The following TMEM212 variants were observed in gnomAD, a reference collection of about 807,000 sequenced individuals.
TMEM212 encodes the protein transmembrane protein 212.
TMEM212 carries 23 observed loss-of-function variants against 20.5 expected under a neutral mutation model. That is an observed-to-expected ratio of 1.12 (90% CI 0.81 to 1.59). The LOEUF (loss-of-function observed/expected upper bound fraction) is 1.59, where lower values mean the gene tolerates loss of function less well. Ranked by LOEUF, TMEM212 falls within the 40% of genes most tolerant of loss-of-function variation. The probability of loss-of-function intolerance (pLI) is 0.00; values close to 1 mark genes in which losing one functional copy is unlikely to be tolerated. For synonymous variants in TMEM212, 76 were observed against 81.6 expected, an observed-to-expected ratio of 0.93 and a Z score of 0.37; for missense variants, 211 against 215.0, an observed-to-expected ratio of 0.98 and a Z score of 0.12.
At chr3:171,854,248 T>C (rs1220064286) in intron 3 of TMEM212, among the ~76,000 whole-genome samples, 1 of 152,132 alleles carries the variant, frequency 6.6e-6, no homozygotes, top group Non-Finnish European at 1.5e-5. Context: ...TTGACTCTGT[T>C]TGCAGATGAC....
Position 171,843,446 on chromosome 3 carries a change from C to T in TMEM212, c.63C>T (p.Cys21=), listed in dbSNP as rs1724757339. 2 of 1,537,122 alleles carry T rather than the reference C, an allele frequency of 1.3e-6. No homozygotes were observed. Among genetic ancestry groups the T allele is most frequent in the Non-Finnish European group, 1.7e-6 (2 of 1,146,810 alleles). Residue 21 remains cysteine (C), a synonymous_variant, in exon 1 of 5, where the codon TGC becomes TGT. Transcript: ENST00000334567. ...ILVTLGILSV[C]SGVIAFFPVF... is the part of the protein sequence containing the mutation. ...TTACTCTGGGGATCCTCAGTGTATG[C>T]TCTGGAGTTATTGCTTTCTTTCCTG...
intron 1 of TMEM212, among the ~76,000 whole-genome samples, chr3:171,844,871 G>A (rs927085676): frequency 6.6e-6 from 1 of 152,150 alleles, no homozygotes. Flanking sequence ...ATGTCGTTGA[G>A]TTACAATGAA....
chr3:171,856,832 A>G (rs997199708), intron 4 of TMEM212, 125 bp downstream of exon 4: 3 of 414,166 alleles, frequency 7.2e-6, no homozygotes, highest in African/African-American at 6.1e-5. Flanking sequence ...CTTTACCTAA[A>G]TGTCTTATTA....
intron 1 of TMEM212, among the ~76,000 whole-genome samples, chr3:171,846,489 C>A (rs1724836011): frequency 6.6e-6 from 1 of 152,106 alleles, no homozygotes; most frequent in Non-Finnish European, 1.5e-5. Flanking sequence ...ATTATGTTTA[C>A]TGCTGTATCT....
At position 171,856,578 on chromosome 3, in the gene TMEM212, C is replaced by A. The variant is rs1254589365; in HGVS notation, c.544-85C>A. ...GGTAAATTTGGGAGCTAAGTGGACC[C>A]CTTTTACATGGGTGCCCCTCCCACA... is the stretch of plus-strand genomic sequence containing the variant. On this transcript the variant is annotated intron_variant, in intron 3 of 4. Transcript: ENST00000334567. 5.3e-6 allele frequency: 3 copies of A among 565,850 alleles called. No individual in the cohort carries two copies. In the South Asian group the frequency reaches 7.0e-5, roughly 13 times the overall value. 35.1% of individuals were successfully genotyped at this position (565,850 alleles called of 1,614,324 possible).
intron 1 of TMEM212, among the ~76,000 whole-genome samples, chr3:171,849,175 A>C (rs1175586107): frequency 6.6e-6 from 1 of 152,024 alleles, no homozygotes; most frequent in Non-Finnish European, 1.5e-5. Flanking sequence ...CCACAGACTG[A>C]GCTGCCCTCC....
intron 1 of TMEM212, among the ~76,000 whole-genome samples, chr3:171,850,474 T>C (rs1724949740): frequency 6.6e-6 from 1 of 152,228 alleles, no homozygotes; most frequent in Admixed American, 6.5e-5. Context: ...ATGTCAGCTA[T>C]CTACTCAGAG....
At chr3:171,848,635 A>G (rs1367202881) in intron 1 of TMEM212, among the ~76,000 whole-genome samples, 1 of 151,996 alleles carries the variant, frequency 6.6e-6, no homozygotes, top group Admixed American at 6.5e-5. Context: ...AGTAGAGTGG[A>G]GTGGAGTGGA....
intron 1 of TMEM212, among the ~76,000 whole-genome samples, chr3:171,844,951 G>T (rs934035952): frequency 6.6e-6 from 1 of 152,112 alleles, no homozygotes; most frequent in African/African-American, 2.4e-5. Flanking sequence ...GCAGATAGAC[G>T]GAAGCCAGTG....
At chr3:171,857,072 G>A in intron 4 of TMEM212, 1 of 162,008 alleles carries the variant, frequency 6.2e-6, no homozygotes, top group Non-Finnish European at 1.3e-5. Context: ...GCAAAAGACT[G>A]TGAGTGTTTT....
At chr3:171,850,947 A>G (rs1724963801) in intron 1 of TMEM212, among the ~76,000 whole-genome samples, 1 of 152,192 alleles carries the variant, frequency 6.6e-6, no homozygotes, top group Admixed American at 6.5e-5. Flanking sequence ...TCAAAACAAT[A>G]AATATGCCAC....
In TMEM212 at chr3:171,858,830, A is replaced by C. The variant is rs944643872; in HGVS notation, c.*773A>C. 2 of 152,142 alleles carry C rather than the reference A, an allele frequency of 1.3e-5. No individual in the cohort carries two copies. Among genetic ancestry groups the C allele is most frequent in the Non-Finnish European group, 2.9e-5 (2 of 68,018 alleles). 9.4% of individuals were successfully genotyped at this position (152,142 alleles called of 1,614,324 possible). The stretch of plus-strand genomic sequence containing the variant: ...GACACACATAATCCCAAATCATGCT[A>C]CTATAAAGACACATGCACACGTATG... On this transcript the variant is annotated 3_prime_UTR_variant, in exon 5 of 5. Coordinates refer to ENST00000334567, the MANE Select transcript of TMEM212 (RefSeq NM_001164436.2).
At chr3:171,856,903 T>C (rs535097260) in intron 4 of TMEM212, 196 bp downstream of exon 4, 10 of 399,534 alleles carry the variant, frequency 2.5e-5, no homozygotes, top group Admixed American at 1.3e-4. Flanking sequence ...GCTGAAGGCA[T>C]GTAAATCTGC....
At chr3:171,852,150 G>A in intron 2 of TMEM212, 109 bp downstream of exon 2, 1 of 899,500 alleles carries the variant, frequency 1.1e-6, no homozygotes, top group Non-Finnish European at 1.7e-6. Context: ...AATTGAATTT[G>A]GTCTAATTGA....
chr3:171,851,888 T>C, intron 1 of TMEM212, 94 bp from the exon 2 acceptor site: 1 of 1,126,244 alleles, frequency 8.9e-7, no homozygotes, highest in East Asian at 2.6e-5. Flanking sequence ...TTCCTTCAAG[T>C]TCATGATAAA....
chr3:171,857,985 G>C (rs1725157303), intron 4 of TMEM212, 76 bp from the exon 5 acceptor site: 1 of 152,096 alleles, frequency 6.6e-6, no homozygotes, highest in Non-Finnish European at 1.5e-5. Context: ...AAACAGCATG[G>C]AGGTACTGCC....
At chr3:171,853,300 A>G (rs1022013434) in intron 2 of TMEM212, among the ~76,000 whole-genome samples, 3 of 151,712 alleles carry the variant, frequency 2.0e-5, no homozygotes, top group African/African-American at 7.3e-5. Context: ...CATCTTGCAC[A>G]TGTATCCCGG....
At chr3:171,849,105 C>T (rs949783588) in intron 1 of TMEM212, among the ~76,000 whole-genome samples, 3 of 152,040 alleles carry the variant, frequency 2.0e-5, no homozygotes, top group Non-Finnish European at 4.4e-5. Flanking sequence ...TCAGTGTGGA[C>T]TCCTCACTCC....
At chr3:171,843,623 T>C (rs760429391) in intron 1 of TMEM212, 81 bp downstream of exon 1, 16 of 1,233,170 alleles carry the variant, frequency 1.3e-5, no homozygotes, top group Non-Finnish European at 1.6e-5. Flanking sequence ...CATATCCTTT[T>C]AAATTGTTCT....
Sources: gnomAD v4.1 joint callset for allele counts (sites outside exome capture counted in the v4.1 genomes callset) on GRCh38, gnomAD v4.1.1 for gene constraint, MANE v1.5 for transcripts, NCBI Gene and HGNC (gene_info 2026-07-23, HGNC 2026-07-21) for gene names.